LPP: variants seen among roughly 807,000 people sequenced by gnomAD.
The protein encoded by LPP is lipoma-preferred partner.
A neutral mutation model predicts 60.4 loss-of-function variants in LPP; 38 were observed. The ratio of observed to expected loss-of-function variants is 0.63; its 90% confidence interval spans 0.49 to 0.83. The LOEUF (loss-of-function observed/expected upper bound fraction) is 0.83. Among genes scored for constraint, LPP ranks in the 40% least tolerant of loss-of-function variants. The pLI, the probability that LPP is intolerant of heterozygous loss-of-function variation, is 0.00. For missense variants in LPP, 902 were observed against 783.6 expected (o/e 1.15, Z -1.80); for synonymous variants, 328 against 290.8 (o/e 1.13, Z -1.30).
At chr3:188,680,009 C>T (rs1001317669) in intron 7 of LPP, among the ~76,000 whole-genome samples, 1 of 152,118 alleles carries the variant, frequency 6.6e-6, no homozygotes, top group African/African-American at 2.4e-5. Flanking sequence ...GCAAAATTGT[C>T]ATTAGAATCA....
intron 1 of LPP, among the ~76,000 whole-genome samples, chr3:188,190,811 C>T (rs569042372): frequency 1.3e-5 from 2 of 152,318 alleles, no homozygotes; most frequent in Admixed American, 6.5e-5. Context: ...TGTGAACCAA[C>T]TGTGAAAGTT....
rs1185520536 is a variant in LPP at position 188,560,158 on chromosome 3, A to G, written c.429+35371A>G. Among the ~76,000 whole-genome samples the G allele has an allele frequency of 2.0e-5, 3 of 152,236 alleles. No homozygotes were observed. In the East Asian group the frequency reaches 5.8e-4, roughly 30 times the overall value. On this transcript the variant is annotated intron_variant, in intron 6 of 11. Coordinates refer to ENST00000617246, the MANE Select transcript of LPP (RefSeq NM_001375462.1). ...GCTAGAATAATTACAGAGAATGCAT[A>G]GAGAGCATCTAACACAGAGACTGAC...
At chr3:188,545,300 T>C (rs1579825298) in intron 6 of LPP, among the ~76,000 whole-genome samples, 1 of 150,664 alleles carries the variant, frequency 6.6e-6, no homozygotes, top group African/African-American at 2.4e-5. Context: ...CTTTGTAAGC[T>C]ATAAAAGCCT....
intron 1 of LPP, among the ~76,000 whole-genome samples, chr3:188,189,971 C>T (rs976350677): frequency 6.6e-6 from 1 of 151,658 alleles, no homozygotes; most frequent in African/African-American, 2.4e-5. Context: ...GTATTGGGTG[C>T]ATAACTTGTG....
intron 2 of LPP, among the ~76,000 whole-genome samples, chr3:188,321,915 A>G (rs973312202): frequency 1.3e-5 from 2 of 152,342 alleles, no homozygotes; most frequent in Admixed American, 6.5e-5. Context: ...GATAGCCAGC[A>G]AAAATGAAGA....
chr3:188,230,875 G>T (rs113399128), intron 2 of LPP, among the ~76,000 whole-genome samples: 3 of 152,072 alleles, frequency 2.0e-5, no homozygotes, highest in Non-Finnish European at 4.4e-5. Context: ...TCACCACATC[G>T]CAGTCCAGGT....
intron 2 of LPP, among the ~76,000 whole-genome samples, chr3:188,241,058 T>C (rs1724495973): frequency 6.6e-6 from 1 of 152,198 alleles, no homozygotes; most frequent in African/African-American, 2.4e-5. Context: ...AGAATGTCCC[T>C]ACATGTGAAA....
chr3:188,645,483 G>A (rs1056154914), intron 7 of LPP, among the ~76,000 whole-genome samples: 1 of 152,142 alleles, frequency 6.6e-6, no homozygotes, highest in Non-Finnish European at 1.5e-5. Flanking sequence ...CCTCATCCCT[G>A]TTAAGAAATA....
intron 5 of LPP, among the ~76,000 whole-genome samples, chr3:188,523,295 C>T (rs753410555): frequency 7.2e-5 from 11 of 152,164 alleles, no homozygotes; most frequent in Non-Finnish European, 1.2e-4. Flanking sequence ...GCCACAACTT[C>T]ATAGACAGTT....
intron 8 of LPP, among the ~76,000 whole-genome samples, chr3:188,755,257 A>G (rs1451785782): frequency 6.6e-6 from 1 of 152,194 alleles, no homozygotes; most frequent in Non-Finnish European, 1.5e-5. Context: ...ACATCTGCAC[A>G]TATTTAATAC....
intron 9 of LPP, among the ~76,000 whole-genome samples, chr3:188,761,422 C>T (rs886802485): frequency 1.3e-5 from 2 of 152,096 alleles, no homozygotes; most frequent in Admixed American, 6.6e-5. Flanking sequence ...AATTTTATTT[C>T]GTTTTCTTTC....
rs183220579 is a variant in LPP, at chr3:188,839,531, G to A, written c.1411-26669G>A. Among the ~76,000 whole-genome samples, 34 of 152,258 alleles carry A rather than the reference G, an allele frequency of 2.2e-4. No homozygotes were observed. In the East Asian group the frequency reaches 4.1e-3, roughly 18 times the overall value. ...TGAGTAAACAGCAAGGTGATAAGGC[G>A]CAGGGACGGACCATTGGATTGAGTC... On this transcript the variant is annotated intron_variant, in intron 9 of 11. Transcript: ENST00000617246.
intron 3 of LPP, among the ~76,000 whole-genome samples, chr3:188,375,009 T>G (rs1774544532): frequency 6.6e-6 from 1 of 152,184 alleles, no homozygotes; most frequent in African/African-American, 2.4e-5. Context: ...TGGATTACAT[T>G]TATTGATTTG....
At chr3:188,601,908 A>G (rs1360944134) in intron 6 of LPP, among the ~76,000 whole-genome samples, 1 of 151,550 alleles carries the variant, frequency 6.6e-6, no homozygotes, top group Admixed American at 6.6e-5. Flanking sequence ...CATCTTTACT[A>G]AAAACACAAA....
At chr3:188,622,013 T>G (rs938443311) in intron 7 of LPP, among the ~76,000 whole-genome samples, 1 of 152,184 alleles carries the variant, frequency 6.6e-6, no homozygotes, top group African/African-American at 2.4e-5. Context: ...AGGGATGGCA[T>G]GGGCACAGGT....
At chr3:188,418,133 A>T (rs1275735947) in intron 4 of LPP, among the ~76,000 whole-genome samples, 1 of 152,202 alleles carries the variant, frequency 6.6e-6, no homozygotes, top group Non-Finnish European at 1.5e-5. Context: ...TAGTTCCTAC[A>T]TTATTATGGT....
At chr3:188,241,012 G>A (rs181727622) in intron 2 of LPP, among the ~76,000 whole-genome samples, 4 of 152,248 alleles carry the variant, frequency 2.6e-5, no homozygotes, top group East Asian at 1.9e-4. Flanking sequence ...TGTATGCATA[G>A]TCTAAAGTGA....
chr3:188,163,686 A>G (rs867304023), intron 1 of LPP, among the ~76,000 whole-genome samples: 3 of 151,896 alleles, frequency 2.0e-5, no homozygotes, highest in Admixed American at 6.6e-5. Flanking sequence ...TCACGCCTGT[A>G]GTCCCAGCAC....
chr3:188,616,058 T>C (rs1415872718), intron 7 of LPP, among the ~76,000 whole-genome samples: 6 of 152,138 alleles, frequency 3.9e-5, no homozygotes, highest in South Asian at 2.1e-4. Context: ...CTGATGATAG[T>C]TTCTTTTGCA....
Sources: allele counts gnomAD v4.1 joint callset (sites outside exome capture counted in the v4.1 genomes callset), GRCh38; gene constraint gnomAD v4.1.1; transcripts MANE v1.5; gene names NCBI Gene and HGNC (gene_info 2026-07-23, HGNC 2026-07-21).